Variants in SYNPO2 observed in about 807,000 individuals in gnomAD.
The protein encoded by SYNPO2 is synaptopodin 2, also known as synaptopodin-2.
SYNPO2 carries 56 observed loss-of-function variants against 85.0 expected under a neutral mutation model. The observed-to-expected ratio is 0.66, with a 90% confidence interval of 0.53 to 0.82. SYNPO2 has a LOEUF of 0.82. Ranked by LOEUF, SYNPO2 falls within the 40% of genes least tolerant of loss-of-function variation. SYNPO2 has a pLI of 0.00. For missense variants in SYNPO2, 1,575 were observed against 1,534.2 expected (o/e 1.03, Z -0.44); for synonymous variants, 602 against 591.1 (o/e 1.02, Z -0.27).
intron 4 of SYNPO2, chr4:119,033,037 G>A (rs1002768733): frequency 1.0e-6 from 1 of 976,972 alleles, no homozygotes; most frequent in Non-Finnish European, 1.2e-6. Context: ...AGAGTATACA[G>A]GATAACGAAG....
chr4:118,972,768 A>T (rs2149157142), intron 1 of SYNPO2, among the ~76,000 whole-genome samples: 1 of 152,318 alleles, frequency 6.6e-6, no homozygotes, highest in Middle Eastern at 3.4e-3. Context: ...TAGTTCTGTG[A>T]CCTTGGGCAA....
intron 1 of SYNPO2, among the ~76,000 whole-genome samples, chr4:118,894,418 T>A (rs905501290): frequency 6.6e-6 from 1 of 152,110 alleles, no homozygotes; most frequent in Admixed American, 6.6e-5. Context: ...AAATGATTAC[T>A]GTAAAGATCA....
chr4:118,855,005 A>G (rs781439896), intron 1 of SYNPO2, among the ~76,000 whole-genome samples: 6 of 152,102 alleles, frequency 3.9e-5, no homozygotes, highest in Non-Finnish European at 8.8e-5. Context: ...CAAGTGTTCA[A>G]AATCAAAACT....
chr4:118,895,854 GTTAA>G (rs1320608235), intron 1 of SYNPO2, among the ~76,000 whole-genome samples: 1 of 152,136 alleles, frequency 6.6e-6, no homozygotes, highest in African/African-American at 2.4e-5. Context: ...CTCTCTGTCA[GTTAA>G]TTAGTGTTTA....
At chr4:118,891,631 A>G (rs769189371) in intron 1 of SYNPO2, among the ~76,000 whole-genome samples, 6 of 152,186 alleles carry the variant, frequency 3.9e-5, no homozygotes, top group South Asian at 4.1e-4. Flanking sequence ...AGTCAATTCA[A>G]TTCTATTCAT....
At chr4:119,007,207 AG>A (rs1737062609) in intron 1 of SYNPO2, among the ~76,000 whole-genome samples, 1 of 109,228 alleles carries the variant, frequency 9.2e-6, no homozygotes, top group Admixed American at 1.0e-4. Flanking sequence ...AAAACAAAAA[AG>A]AACAAAGGTA....
At chr4:119,020,527 G>C (rs1425957478) in intron 1 of SYNPO2, among the ~76,000 whole-genome samples, 1 of 152,064 alleles carries the variant, frequency 6.6e-6, no homozygotes, top group Non-Finnish European at 1.5e-5. Flanking sequence ...TGCAATCCCA[G>C]TTTAAAACTC....
At chr4:119,016,940 C>T (rs1353706724) in intron 1 of SYNPO2, among the ~76,000 whole-genome samples, 1 of 152,140 alleles carries the variant, frequency 6.6e-6, no homozygotes, top group East Asian at 1.9e-4. Context: ...GGAACCTTTC[C>T]AAGGTTGCTA....
intron 1 of SYNPO2, among the ~76,000 whole-genome samples, chr4:118,990,745 A>C (rs1736387114): frequency 6.6e-6 from 1 of 152,076 alleles, no homozygotes; most frequent in African/African-American, 2.4e-5. Flanking sequence ...AGTAGCTGGG[A>C]CTACAGGTGC....
chr4:118,882,622 C>A (rs1732126227), intron 1 of SYNPO2, among the ~76,000 whole-genome samples: 1 of 151,750 alleles, frequency 6.6e-6, no homozygotes, highest in African/African-American at 2.4e-5. Context: ...ACACACACAC[C>A]CCACACACCT....
intron 1 of SYNPO2, among the ~76,000 whole-genome samples, chr4:118,998,623 A>G (rs1327551990): frequency 2.0e-5 from 3 of 152,212 alleles, no homozygotes; most frequent in Non-Finnish European, 4.4e-5. Flanking sequence ...GTGTGACTCA[A>G]GATCACTGAG....
Position 119,058,111 on chromosome 4 carries a change from TACACACAC to T in SYNPO2, c.*189_*196del, listed in dbSNP as rs113611459. Reference sequence around the variant, plus strand: ...GTGTGTGTGTGTATGTATGTGAATATACACACACACACACACACAGGTGAGTGTGAATA... The same window carrying T: ...GTGTGTGTGTGTATGTATGTGAATATACACACACACAGGTGAGTGTGAATA... On this transcript the variant is annotated 3_prime_UTR_variant, in exon 5 of 5. Coordinates refer to ENST00000307142, the MANE Select transcript of SYNPO2 (RefSeq NM_133477.3). The T allele has an allele frequency of 4.5e-6, 2 of 444,158 alleles. No homozygotes were observed. The highest frequency in any genetic ancestry group is 4.0e-5 in the Admixed American group (1 of 24,834). 27.5% of individuals were successfully genotyped at this position (444,158 alleles called of 1,614,324 possible).
At chr4:118,866,356 G>A (rs1731700152) in intron 1 of SYNPO2, among the ~76,000 whole-genome samples, 1 of 152,146 alleles carries the variant, frequency 6.6e-6, no homozygotes, top group Non-Finnish European at 1.5e-5. Flanking sequence ...GTGCTGTGGA[G>A]GAAAAACTAC....
At chr4:119,045,902 G>T (rs1738856326) in intron 4 of SYNPO2, among the ~76,000 whole-genome samples, 1 of 152,106 alleles carries the variant, frequency 6.6e-6, no homozygotes. Context: ...GGTAAAAATT[G>T]CTGGTATAGT....
chr4:119,044,276 T>C (rs562853070), intron 4 of SYNPO2, among the ~76,000 whole-genome samples: 1 of 152,336 alleles, frequency 6.6e-6, no homozygotes, highest in South Asian at 2.1e-4. Flanking sequence ...ATGTTTCTCC[T>C]CCAGCAAAAC....
chr4:118,853,964 C>T (rs961304105), intron 1 of SYNPO2, among the ~76,000 whole-genome samples: 6 of 152,112 alleles, frequency 3.9e-5, no homozygotes, highest in Admixed American at 1.3e-4. Context: ...TGGTGTAAAC[C>T]TTTCATATGT....
In SYNPO2 at chr4:119,031,081, C is replaced by G; in HGVS notation, c.2306C>G (p.Ser769Cys). The G allele has an allele frequency of 1.2e-6, 2 of 1,614,112 alleles. No individual in the cohort carries two copies. Among genetic ancestry groups the G allele is most frequent in the Admixed American group, 1.7e-5 (1 of 60,014 alleles). The change falls in exon 4 of 5, where the codon TCC (serine) becomes TGC (cysteine). Residue 769 changes from serine to cysteine, a missense_variant. By Grantham distance (112) the Ser-to-Cys change is moderately radical. Coordinates refer to ENST00000307142, the MANE Select transcript of SYNPO2 (RefSeq NM_133477.3). The part of the protein sequence containing the change: ...VAPKPAVKSS[S>C]SQPVTPVSPV... ...CCAAAACCTGCAGTCAAGTCCTCATCCTCCCAACCAGTAACTCCAGTTTCC... is the reference window on the plus strand; with the variant it reads ...CCAAAACCTGCAGTCAAGTCCTCATGCTCCCAACCAGTAACTCCAGTTTCC...
chr4:118,950,979 A>G (rs1734674464), intron 1 of SYNPO2, among the ~76,000 whole-genome samples: 1 of 152,232 alleles, frequency 6.6e-6, no homozygotes, highest in African/African-American at 2.4e-5. Flanking sequence ...ATGCCATTGT[A>G]TACATAAGTC....
intron 1 of SYNPO2, among the ~76,000 whole-genome samples, chr4:118,922,529 T>C (rs1733573309): frequency 6.6e-6 from 1 of 152,062 alleles, no homozygotes; most frequent in Non-Finnish European, 1.5e-5. Flanking sequence ...GGTTTTGCTC[T>C]CCACTCTTTT....
Sources: allele counts gnomAD v4.1 joint callset (sites outside exome capture counted in the v4.1 genomes callset), GRCh38; gene constraint gnomAD v4.1.1; transcripts MANE v1.5; gene names NCBI Gene and HGNC (gene_info 2026-07-23, HGNC 2026-07-21).